Variants in POMT2 observed in about 807,000 individuals in gnomAD.
POMT2 encodes protein O-mannosyl-transferase 2.
POMT2 carries 75 observed loss-of-function variants against 100.0 expected under a neutral mutation model. The ratio of observed to expected loss-of-function variants is 0.75; its 90% CI spans 0.62 to 0.91. POMT2 has a LOEUF of 0.91. Ranked by LOEUF, POMT2 falls within the 40% of genes least tolerant of loss-of-function variation. The pLI is 0.00. For synonymous variants in POMT2, 378 were observed against 374.1 expected (o/e 1.01, Z -0.12); for missense variants, 940 against 955.1 (o/e 0.98, Z 0.21).
intron 15 of POMT2, among the ~76,000 whole-genome samples, chr14:77,281,128 AAATAAATAAATAAT>A (rs1390182158): frequency 9.6e-4 from 143 of 149,000 alleles, no homozygotes; most frequent in Non-Finnish European, 1.8e-3. Context: ...ATAAATAAAT[AAATAAATAAATAAT>A]AAGGCTTACT....
At position 77,280,304 on chromosome 14, in the gene POMT2, C is replaced by T. The variant is rs1209989798; in HGVS notation, c.1725+88G>A. 2.7e-5 allele frequency: 43 copies of T among 1,596,068 alleles called. No individual in the cohort carries two copies. The East Asian group carries it at 7.9e-4, about 29-fold the overall frequency. On this transcript the variant is annotated intron_variant, in intron 16 of 20. Coordinates refer to ENST00000261534, the MANE Select transcript of POMT2 (RefSeq NM_013382.7). ...CCCAGGAGGCCCCTCGCCCTGCCGC[C>T]CTAGTACACCCACCCCCGCCTCCAC... is the stretch of plus-strand genomic sequence containing the variant.
In POMT2 at chr14:77,298,730, C is replaced by T. The variant is rs1322449377; in HGVS notation, c.965G>A (p.Arg322Gln). ...ATTGTGCAGGTTGTTCCCTGAAAGC[C>T]GGGCCTGGAAGGCAGAACTGAAGAA... is the stretch of plus-strand genomic sequence containing the variant. ...DGFFSSAFQA[R>Q]LSGNNLHNAS... Residue 322 changes from arginine to glutamine, a missense_variant, in exon 8 of 21, where the codon CGG (arginine) becomes CAG (glutamine). By Grantham distance (43) the Arg-to-Gln change is conservative. Transcript: ENST00000261534. 1.5e-5 allele frequency: 25 copies of T among 1,613,572 alleles called. No individual in the cohort carries two copies. Among genetic ancestry groups the T allele is most frequent in the Middle Eastern group, 1.6e-4 (1 of 6,084 alleles).
chr14:77,297,468 C>A (rs1409199519), intron 8 of POMT2, among the ~76,000 whole-genome samples: 2 of 152,162 alleles, frequency 1.3e-5, no homozygotes. Context: ...GCCCCAAATC[C>A]CACTGGCCCC....
intron 6 of POMT2, chr14:77,300,338 T>C (rs6574366): frequency 0.03 from 4,679 of 154,802 alleles, 226 homozygotes; most frequent in African/African-American, 0.11. Context: ...TCTGTAGGTT[T>C]TGATTTCCTC....
chr14:77,306,107 G>A (rs1227948764), intron 3 of POMT2: 2 of 586,332 alleles, frequency 3.4e-6, no homozygotes, highest in Admixed American at 5.9e-5. Flanking sequence ...ATGCGTGCCT[G>A]CTTCTATCTA....
chr14:77,304,709 G>A lies in POMT2; in HGVS notation c.530C>T (p.Ala177Val). 1 of 1,591,698 alleles carries A rather than the reference G, an allele frequency of 6.3e-7. No individual in the cohort carries two copies. The highest frequency in any genetic ancestry group is 8.5e-7 in the Non-Finnish European group (1 of 1,170,114). The part of the protein sequence containing the change: ...SKSLSAALLT[A>V]ALLTFDTGCL... ...CAACTTACCAAAGGTGAGGAGGGCA[G>A]CTGTGAGCAGTGCTGCCGAGAGGGA... is the stretch of plus-strand genomic sequence containing the variant. The change falls in exon 4 of 21, where the codon GCT becomes GTT. Residue 177 changes from alanine (A) to valine (V), a missense_variant. Coordinates refer to ENST00000261534, the MANE Select transcript of POMT2 (RefSeq NM_013382.7).
In POMT2 at chr14:77,296,174, C is replaced by T. The variant is rs398124260; in HGVS notation, c.1106G>A (p.Arg369His). The change falls in exon 9 of 21, where the codon CGT (arginine) becomes CAT (histidine). Residue 369 changes from arginine (R) to histidine (H), a missense_variant. Arg to His is a conservative substitution (Grantham distance 29). Coordinates refer to ENST00000261534, the MANE Select transcript of POMT2 (RefSeq NM_013382.7). The part of the protein sequence containing the change: ...RHLYPEGIGA[R>H]QQQVTTYLHK... Reference sequence around the variant, plus strand: ...AAAAGGCTCACTGACCTGCTGCTGACGGGCACCAATGCCCTCGGGGTAGAG... The same window carrying T: ...AAAAGGCTCACTGACCTGCTGCTGATGGGCACCAATGCCCTCGGGGTAGAG... The T allele has an allele frequency of 3.9e-5, 63 of 1,602,262 alleles. No homozygotes were observed. In the East Asian group the frequency reaches 4.0e-4, roughly 10 times the overall value.
At position 77,299,448 on chromosome 14, in the gene POMT2, TC is replaced by T; in HGVS notation, c.923+6del. On this transcript the variant is annotated splice_donor_region_variant and intron_variant, in intron 7 of 20. Transcript: ENST00000261534. The stretch of plus-strand genomic sequence containing the variant: ...GAAGCAAGATGCTGCAAAGGCTCTG[TC>T]TGTACCTTTTACTCAGCACCATGAA... 6.2e-7 allele frequency: 1 copy of T among 1,611,860 alleles called. No homozygotes were observed. Among genetic ancestry groups the T allele is most frequent in the African/African-American group, 1.3e-5 (1 of 74,960 alleles).
chr14:77,287,540 C>CTATA (rs1393003892), intron 11 of POMT2: 1 of 90,166 alleles, frequency 1.1e-5, no homozygotes, highest in Admixed American at 1.1e-4. Context: ...CTCTCTCTCT[C>CTATA]TCTCTATATA....
intron 15 of POMT2, among the ~76,000 whole-genome samples, chr14:77,282,129 A>G (rs141138098): frequency 1.3e-5 from 2 of 152,294 alleles, no homozygotes; most frequent in Non-Finnish European, 2.9e-5. Context: ...AGGGAAACCA[A>G]TTCCTTCAAA....
chr14:77,311,981 A>G lies in POMT2; in HGVS notation c.301T>C (p.Phe101Leu), dbSNP rs570188924. ...AGGGGCGGGTGCACATCAAAGAAAA[A>G]TGTACGGTTGATATAGTAACTTCCC... ...KMGSYYINRTFFFDVHPPLGK... is the reference protein window; with the variant it reads ...KMGSYYINRTLFFDVHPPLGK... The change falls in exon 2 of 21, where the codon TTT (phenylalanine) becomes CTT (leucine). Residue 101 changes from phenylalanine (F) to leucine (L), a missense_variant. Phe to Leu is a conservative substitution (Grantham distance 22, BLOSUM62 0). Coordinates refer to ENST00000261534, the MANE Select transcript of POMT2 (RefSeq NM_013382.7). 4 of 1,614,124 alleles carry G rather than the reference A, an allele frequency of 2.5e-6. No homozygotes were observed. The South Asian group carries it at 3.3e-5, about 13-fold the overall frequency.
At chr14:77,309,492 C>T (rs1289970229) in intron 2 of POMT2, among the ~76,000 whole-genome samples, 1 of 152,000 alleles carries the variant, frequency 6.6e-6, no homozygotes, top group African/African-American at 2.4e-5. Flanking sequence ...AGCTACTGCA[C>T]CCTCTCACAG....
At chr14:77,294,281 G>A (rs1421753407) in intron 9 of POMT2, among the ~76,000 whole-genome samples, 2 of 152,190 alleles carry the variant, frequency 1.3e-5, no homozygotes, top group Non-Finnish European at 2.9e-5. Flanking sequence ...GGTGGGAGAT[G>A]ATTGAGTCAC....
chr14:77,312,120 G>T, intron 1 of POMT2, 87 bp from the exon 2 acceptor site: 2 of 1,535,224 alleles, frequency 1.3e-6, no homozygotes, highest in South Asian at 2.5e-5. Context: ...AAAATTAAAG[G>T]CTATGCATTT....
chr14:77,285,425 A>G, intron 13 of POMT2, 56 bp downstream of exon 13: 1 of 1,606,894 alleles, frequency 6.2e-7, no homozygotes, highest in South Asian at 1.1e-5. Flanking sequence ...TACTCCTTGT[A>G]GAGTGAAAGG....
At chr14:77,279,503 T>G (rs1319032597) in intron 18 of POMT2, 1 of 516,808 alleles carries the variant, frequency 1.9e-6, no homozygotes, top group Admixed American at 2.3e-5. Context: ...TGGAGTCAGA[T>G]TGCACGGGTT....
chr14:77,283,895 G>A (rs1187672498), intron 14 of POMT2, 22 bp from the exon 15 acceptor site: 2 of 1,575,448 alleles, frequency 1.3e-6, no homozygotes. Flanking sequence ...AAATGCAGGA[G>A]AAAAGCCTTT....
rs1172788159 is a variant in POMT2, at chr14:77,276,214, CTT to C, written c.*1160_*1161del. The C allele has an allele frequency of 2.6e-5, 4 of 152,618 alleles. No homozygotes were observed. Among genetic ancestry groups the C allele is most frequent in the Non-Finnish European group, 5.9e-5 (4 of 68,048 alleles). The allele number at this position is 152,618 out of a possible 1,614,324, so 9.5% of individuals were successfully genotyped here. The stretch of plus-strand genomic sequence containing the variant: ...AAGTGGAAGGGGCAGCTCTGAGCTT[CTT>C]GTTTGAGCTGCAGAGTGGTAGACGC... On this transcript the variant is annotated 3_prime_UTR_variant, in exon 21 of 21. Coordinates refer to ENST00000261534, the MANE Select transcript of POMT2 (RefSeq NM_013382.7).
At chr14:77,283,382 A>G (rs1296746980) in intron 15 of POMT2, among the ~76,000 whole-genome samples, 2 of 152,234 alleles carry the variant, frequency 1.3e-5, no homozygotes, top group African/African-American at 4.8e-5. Context: ...AGTGGTAACT[A>G]GCAGTAACTC....
Sources: allele counts gnomAD v4.1 joint callset (sites outside exome capture counted in the v4.1 genomes callset), GRCh38; gene constraint gnomAD v4.1.1; transcripts MANE v1.5; gene names NCBI Gene and HGNC (gene_info 2026-07-23, HGNC 2026-07-21).